JAKMIP3: variants seen among roughly 807,000 people sequenced by gnomAD.
JAKMIP3 encodes Janus kinase and microtubule interacting protein 3.
JAKMIP3 carries 58 observed loss-of-function variants against 118.5 expected under a neutral mutation model. That is an observed-to-expected ratio of 0.49 (90% CI 0.40 to 0.61). The LOEUF (loss-of-function observed/expected upper bound fraction) is 0.61. Ranked by LOEUF, JAKMIP3 falls within the 20% of genes least tolerant of loss-of-function variation. The pLI is 0.00. For synonymous variants in JAKMIP3, 486 were observed against 451.2 expected, an observed-to-expected ratio of 1.08 and a Z score of -0.98; for missense variants, 950 against 1,109.0, an observed-to-expected ratio of 0.86 and a Z score of 2.04.
chr10:132,088,667 C>T (rs1405366817), intron 1 of JAKMIP3, among the ~76,000 whole-genome samples: 1 of 152,194 alleles, frequency 6.6e-6, no homozygotes, highest in Non-Finnish European at 1.5e-5. Context: ...TGCCAGTTCA[C>T]TCTGATGGTA....
intron 10 of JAKMIP3, among the ~76,000 whole-genome samples, chr10:132,141,018 A>AG (rs1344385023): frequency 7.2e-5 from 11 of 152,346 alleles, no homozygotes; most frequent in African/African-American, 2.4e-4. Flanking sequence ...TTCTGATAAC[A>AG]GCACAGGTGT....
At chr10:132,075,609 C>T (rs1454852861) in intron 1 of JAKMIP3, among the ~76,000 whole-genome samples, 1 of 151,894 alleles carries the variant, frequency 6.6e-6, no homozygotes, top group Non-Finnish European at 1.5e-5. Flanking sequence ...AGGGTTTTGC[C>T]ACATTGGCCA....
chr10:132,137,333 C>G (rs377680487), intron 8 of JAKMIP3, 44 bp downstream of exon 8: 1 of 1,611,036 alleles, frequency 6.2e-7, no homozygotes, highest in South Asian at 1.1e-5. Context: ...CCGCTCCCCA[C>G]GCAGTTGCCC....
At chr10:132,128,950 C>G (rs1318062877) in intron 3 of JAKMIP3, among the ~76,000 whole-genome samples, 1 of 152,172 alleles carries the variant, frequency 6.6e-6, no homozygotes, top group Non-Finnish European at 1.5e-5. Context: ...TTGGCTAACT[C>G]TAGTCATCTG....
intron 21 of JAKMIP3, 112 bp downstream of exon 21, chr10:132,164,847 C>A: frequency 1.3e-6 from 1 of 745,806 alleles, no homozygotes; most frequent in South Asian, 1.6e-5. Context: ...AGACTTCGCT[C>A]CCAACAGCAG....
intron 13 of JAKMIP3, among the ~76,000 whole-genome samples, chr10:132,147,072 G>C (rs1346077517): frequency 6.6e-6 from 1 of 152,230 alleles, no homozygotes; most frequent in Non-Finnish European, 1.5e-5. Context: ...GTGCACACTT[G>C]GAGCCATGCT....
rs753977860 is a variant in JAKMIP3 at position 132,163,317 on chromosome 10, G to A, written c.2329G>A (p.Val777Met). 16 of 1,609,056 alleles carry A rather than the reference G, an allele frequency of 9.9e-6. No individual in the cohort carries two copies. The highest frequency in any genetic ancestry group is 2.2e-5 in the South Asian group (2 of 90,052). ...GGAGCGCGAGAAGCTCAAGGTGGCCGTGGAGCAGTGGAAGCGCCAGGTCAT... is the reference window on the plus strand; with the variant it reads ...GGAGCGCGAGAAGCTCAAGGTGGCCATGGAGCAGTGGAAGCGCCAGGTCAT... ...EEEREKLKVA[V>M]EQWKRQVMSE... Residue 777 changes from valine (V) to methionine (M), a missense_variant, in exon 20 of 24, where the codon GTG (valine) becomes ATG (methionine). By Grantham distance (21) the Val-to-Met change is conservative (BLOSUM62 1). Transcript: ENST00000684848.
intron 23 of JAKMIP3, among the ~76,000 whole-genome samples, chr10:132,172,597 G>A (rs1356607941): frequency 2.0e-5 from 3 of 151,952 alleles, no homozygotes; most frequent in East Asian, 1.9e-4. Flanking sequence ...GTATCGCACT[G>A]TATGCTTCCA....
At chr10:132,127,392 T>TTGTGTGTG (rs145559558) in intron 3 of JAKMIP3, among the ~76,000 whole-genome samples, 12,108 of 146,818 alleles carry the variant, frequency 0.082, 761 homozygotes, top group East Asian at 0.27. Context: ...CTGGCTAATT[T>TTGTGTGTG]TGTGTGTGTG....
chr10:132,167,643 C>T (rs2059040298), intron 22 of JAKMIP3, among the ~76,000 whole-genome samples: 1 of 152,172 alleles, frequency 6.6e-6, no homozygotes, highest in Non-Finnish European at 1.5e-5. Flanking sequence ...CATCATTGTT[C>T]GCCTCGGTCC....
In JAKMIP3 at chr10:132,044,013, GGAAGTGCACA is replaced by G. The variant is rs200789007; in HGVS notation, c.-138+7278_-138+7287del. On this transcript the variant is annotated intron_variant, in intron 1 of 23. Transcript: ENST00000657785. The surrounding 1 kb of genome is among the most constrained non-coding windows in gnomAD (Gnocchi z 5.3). ...TCCCAAAATCCATCCAAAGAGGGCA[GGAAGTGCACA>G]GACCTCGGGGTTCAGTAGGCTCTCA... is the stretch of plus-strand genomic sequence containing the variant. Among the ~76,000 whole-genome samples the G allele has an allele frequency of 0.014, 2,121 of 152,246 alleles. 52 individuals carry two copies. Among genetic ancestry groups the G allele is most frequent in the African/African-American group, 0.048 (1,984 of 41,494 alleles).
At chr10:132,180,119 C>T (rs1419954480) in intron 23 of JAKMIP3, among the ~76,000 whole-genome samples, 2 of 152,194 alleles carry the variant, frequency 1.3e-5, no homozygotes, top group Non-Finnish European at 2.9e-5. Context: ...ATTGTTTGCA[C>T]AGTCTAGGCA....
chr10:132,097,755 T>G (rs1317087276), intron 1 of JAKMIP3, among the ~76,000 whole-genome samples: 2 of 27,442 alleles, frequency 7.3e-5, no homozygotes, highest in Non-Finnish European at 1.0e-4. Flanking sequence ...CTAAAAGTTT[T>G]TTTTTTTTTT....
At chr10:132,162,373 C>A (rs998385731) in intron 19 of JAKMIP3, among the ~76,000 whole-genome samples, 1 of 152,244 alleles carries the variant, frequency 6.6e-6, no homozygotes, top group African/African-American at 2.4e-5. Context: ...TAATTCCAAG[C>A]CAGCACTTGA....
chr10:132,136,606 G>A (rs982836825), intron 6 of JAKMIP3, among the ~76,000 whole-genome samples: 1 of 152,226 alleles, frequency 6.6e-6, no homozygotes. Context: ...CGGATGTGGG[G>A]GAGAGGCGCT....
intron 2 of JAKMIP3, among the ~76,000 whole-genome samples, chr10:132,106,721 G>C (rs2379231): frequency 0.22 from 33,913 of 152,024 alleles, 4,261 homozygotes; most frequent in African/African-American, 0.35. Flanking sequence ...AATGCCCCCC[G>C]TCAAAAAATG....
intron 3 of JAKMIP3, among the ~76,000 whole-genome samples, chr10:132,121,879 C>T (rs1053289893): frequency 6.6e-6 from 1 of 152,108 alleles, no homozygotes; most frequent in African/African-American, 2.4e-5. Context: ...TCGCGTCTGG[C>T]AGGGCTGGTG....
intron 1 of JAKMIP3, among the ~76,000 whole-genome samples, chr10:132,058,897 C>T (rs1025154779): frequency 1.3e-5 from 2 of 152,238 alleles, no homozygotes; most frequent in Non-Finnish European, 2.9e-5. Context: ...TTCAGGATTC[C>T]GGACGGAGCT....
Position 132,180,680 on chromosome 10 carries a change from C to CGTGTGTGT in JAKMIP3, c.*1104-1676_*1104-1675insTGTGTGTG, listed in dbSNP as rs1296049208. Among the ~76,000 whole-genome samples the CGTGTGTGT allele has an allele frequency of 1.0e-3, 6 of 5,944 alleles. 1 individual carries two copies. The highest frequency in any genetic ancestry group is 3.6e-3 in the African/African-American group (5 of 1,390). 3.9% of individuals were successfully genotyped at this position (5,944 alleles called of 152,430 possible). On this transcript the variant is annotated intron_variant, in intron 23 of 23. Coordinates refer to ENST00000684848, the MANE Select transcript of JAKMIP3 (RefSeq NM_001323087.2). ...GTGCGTGTGTGCGTGTGTGTGCGCG[C>CGTGTGTGT]GCGTGTGTGTGCGTGCGTGTGTGTG...
Sources: gnomAD v4.1 joint callset for allele counts (sites outside exome capture counted in the v4.1 genomes callset) on GRCh38, gnomAD v4.1.1 for gene constraint, Gnocchi (gnomAD v3.1) non-coding constraint, MANE v1.5 for transcripts, NCBI Gene and HGNC (gene_info 2026-07-23, HGNC 2026-07-21) for gene names.